COL4A2: variants seen among roughly 807,000 people sequenced by gnomAD.
The protein encoded by COL4A2 is collagen type IV alpha 2 chain, also known as collagen alpha-2(IV) chain.
A neutral mutation model predicts 200.2 loss-of-function variants in COL4A2; 99 were observed. The ratio of observed to expected loss-of-function variants is 0.49; its 90% CI spans 0.42 to 0.58. The LOEUF is 0.58. Ranked by LOEUF, COL4A2 falls within the 20% of genes least tolerant of loss-of-function variation. COL4A2 has a pLI of 0.00. For synonymous variants in COL4A2, 897 were observed against 900.6 expected (o/e 1.00, Z 0.07); for missense variants, 1,950 against 2,314.1 (o/e 0.84, Z 3.23).
chr13:110,307,789 A>T lies in COL4A2; in HGVS notation c.-44-71A>T. The T allele has an allele frequency of 7.2e-7, 1 of 1,389,404 alleles. No individual in the cohort carries two copies. Among genetic ancestry groups the T allele is most frequent in the Non-Finnish European group, 9.7e-7 (1 of 1,029,860 alleles). 86.1% of individuals were successfully genotyped at this position (1,389,404 alleles called of 1,614,324 possible). On this transcript the variant is annotated intron_variant, in intron 1 of 47. Coordinates refer to ENST00000360467, the MANE Select transcript of COL4A2 (RefSeq NM_001846.4). This position sits in a 1 kb window ranked among gnomAD's most constrained non-coding sequence, Gnocchi z 5.0. ...ACCGCGCTGTCCCCGCGTCTCGCGGACCGAGACCGGCGGTGAGGATGGGCT... is the reference window on the plus strand; with the variant it reads ...ACCGCGCTGTCCCCGCGTCTCGCGGTCCGAGACCGGCGGTGAGGATGGGCT...
chr13:110,437,126 T>A (rs1027281297), intron 13 of COL4A2, among the ~76,000 whole-genome samples: 2 of 152,214 alleles, frequency 1.3e-5, no homozygotes, highest in Non-Finnish European at 2.9e-5. Context: ...TTGAGCAGGG[T>A]GGGGCTTGGG....
rs1883221708 is a variant in COL4A2 at position 110,489,705 on chromosome 13, T to C, written c.3272-6T>C. On this transcript the variant is annotated splice_region_variant and splice_polypyrimidine_tract_variant and intron_variant, in intron 35 of 47. Coordinates refer to ENST00000360467, the MANE Select transcript of COL4A2 (RefSeq NM_001846.4). ...TGTTCTTAGCCGTCTTTTTTGCATG[T>C]AACAGGTGACATCGGGGACACTATA... 6.2e-7 allele frequency: 1 copy of C among 1,614,212 alleles called. No individual in the cohort carries two copies. The highest frequency in any genetic ancestry group is 8.5e-7 in the Non-Finnish European group (1 of 1,180,030).
chr13:110,461,683 A>T (rs1004332903), intron 22 of COL4A2, among the ~76,000 whole-genome samples: 2 of 151,916 alleles, frequency 1.3e-5, no homozygotes, highest in African/African-American at 4.8e-5. Context: ...ACCACACTCC[A>T]CTGCCACACT....
At chr13:110,426,363 A>G (rs1209374010) in intron 6 of COL4A2, among the ~76,000 whole-genome samples, 2 of 152,218 alleles carry the variant, frequency 1.3e-5, no homozygotes, top group African/African-American at 2.4e-5. Context: ...AGAAGTAATC[A>G]TAATTTGGAG....
At chr13:110,387,747 C>T (rs539924508) in intron 4 of COL4A2, among the ~76,000 whole-genome samples, 4 of 152,316 alleles carry the variant, frequency 2.6e-5, no homozygotes, top group East Asian at 1.9e-4. Context: ...AGTGACATCA[C>T]GGTTTCCTCT....
intron 4 of COL4A2, among the ~76,000 whole-genome samples, chr13:110,379,221 A>G (rs999369995): frequency 1.3e-5 from 2 of 152,328 alleles, no homozygotes; most frequent in African/African-American, 4.8e-5. Flanking sequence ...ACGCTGCTAC[A>G]CATCCTATAT....
chr13:110,330,301 G>C (rs893237973), intron 3 of COL4A2, among the ~76,000 whole-genome samples: 1 of 152,102 alleles, frequency 6.6e-6, no homozygotes, highest in Non-Finnish European at 1.5e-5. Flanking sequence ...GTAAGGTTTC[G>C]GGGCGAGTGT....
Position 110,454,494 on chromosome 13 carries a change from A to C in COL4A2, c.1340-2849A>C, listed in dbSNP as rs186389015. Among the ~76,000 whole-genome samples, 788 of 152,324 alleles carry C rather than the reference A, an allele frequency of 5.2e-3. 2 individuals carry two copies. The highest frequency in any genetic ancestry group is 0.02 in the South Asian group (97 of 4,828). On this transcript the variant is annotated intron_variant, in intron 20 of 47. Coordinates refer to ENST00000360467, the MANE Select transcript of COL4A2 (RefSeq NM_001846.4). ...CTCTACCTGCGACACTGCACGTCTC[A>C]TCACACAGAGGGAGAGCTTGGAGAC...
chr13:110,379,289 G>T (rs1878366603), intron 4 of COL4A2, among the ~76,000 whole-genome samples: 1 of 152,236 alleles, frequency 6.6e-6, no homozygotes, highest in Non-Finnish European at 1.5e-5. Context: ...AAGTGCTGAA[G>T]GTGGGAGACC....
intron 20 of COL4A2, among the ~76,000 whole-genome samples, chr13:110,454,382 A>G (rs1419620209): frequency 6.6e-6 from 1 of 152,164 alleles, no homozygotes; most frequent in Non-Finnish European, 1.5e-5. Flanking sequence ...CATTGTAAGG[A>G]GCGCCCACAA....
intron 4 of COL4A2, among the ~76,000 whole-genome samples, chr13:110,383,606 CTTTTTTTT>C (rs67906394): frequency 1.8e-3 from 118 of 65,350 alleles, no homozygotes; most frequent in African/African-American, 5.4e-3. Flanking sequence ...CAGCCCTTTT[CTTTTTTTT>C]TTTTTTTTTT....
chr13:110,385,696 T>C (rs375754119), intron 4 of COL4A2, among the ~76,000 whole-genome samples: 3 of 76,792 alleles, frequency 3.9e-5, no homozygotes, highest in Admixed American at 1.2e-4. Context: ...GTGGTTACAG[T>C]GTGTGGATAG....
rs201105747 is a variant in COL4A2 at position 110,512,120 on chromosome 13, G to T, written c.5068G>T (p.Ala1690Ser). Reference sequence around the variant, plus strand: ...GCAGAGCTTCCAGGGCTCGCCCTCCGCCGACACGCTCAAGGCCGGCCTCAT... The same window carrying T: ...GCAGAGCTTCCAGGGCTCGCCCTCCTCCGACACGCTCAAGGCCGGCCTCAT... Reference protein sequence around the residue: ...PEQSFQGSPSADTLKAGLIRT... With the variant: ...PEQSFQGSPSSDTLKAGLIRT... The change falls in exon 48 of 48, where the codon GCC becomes TCC. Residue 1690 changes from alanine (A) to serine (S), a missense_variant. By Grantham distance (99) the Ala-to-Ser change is moderately conservative. This residue lies in a region of COL4A2 where 1,385 missense variants were observed against 1,720.5 expected (regional missense o/e 0.80). Transcript: ENST00000360467. 10 of 1,613,472 alleles carry T rather than the reference G, an allele frequency of 6.2e-6. No homozygotes were observed. The highest frequency in any genetic ancestry group is 8.5e-6 in the Non-Finnish European group (10 of 1,180,040).
At position 110,450,384 on chromosome 13, in the gene COL4A2, C is replaced by G. The variant is rs1251036472; in HGVS notation, c.1269C>G (p.Gly423=). The G allele has an allele frequency of 5.6e-6, 9 of 1,613,614 alleles. No homozygotes were observed. The Admixed American group carries it at 1.3e-4, about 24-fold the overall frequency. The stretch of plus-strand genomic sequence containing the variant: ...CCGGCATCCCTGCGCTCTACGGGGG[C>G]CCACCTGGACCTGATGGAAAGCGAG... ...GDPGIPALYG[G]PPGPDGKRGP... Residue 423 remains glycine (G), a synonymous_variant, in exon 20 of 48, where the codon GGC becomes GGG. Transcript: ENST00000360467.
chr13:110,497,315 G>A (rs1566567935), intron 40 of COL4A2, among the ~76,000 whole-genome samples: 2 of 151,860 alleles, frequency 1.3e-5, no homozygotes. Context: ...CCTCACTCAG[G>A]GGTGAGGATC....
At position 110,423,694 on chromosome 13, in the gene COL4A2, G is replaced by GTCCCCATGAAAACACTGCC. The variant is rs535909044; in HGVS notation, c.181-1034_181-1016dup. 1.4e-4 allele frequency among the ~76,000 whole-genome samples: 21 copies of GTCCCCATGAAAACACTGCC among 152,198 alleles called. No individual in the cohort carries two copies. The South Asian group carries it at 4.1e-3, about 30-fold the overall frequency. Reference sequence around the variant, plus strand: ...TCTCATCTTCCCAAACCGAAGCTCTGTCCCCATGAAAACACTGCCTCCCCC... The same window carrying GTCCCCATGAAAACACTGCC: ...TCTCATCTTCCCAAACCGAAGCTCTGTCCCCATGAAAACACTGCCTCCCCATGAAAACACTGCCTCCCCC... On this transcript the variant is annotated intron_variant, in intron 4 of 47. Coordinates refer to ENST00000360467, the MANE Select transcript of COL4A2 (RefSeq NM_001846.4).
At chr13:110,482,493 C>A (rs772133256) in intron 31 of COL4A2, 23 bp from the exon 32 acceptor site, 3 of 1,610,958 alleles carry the variant, frequency 1.9e-6, no homozygotes, top group Non-Finnish European at 2.5e-6. Flanking sequence ...TCTAACCCAG[C>A]ACTTTTCTCT....
chr13:110,512,450 T>C lies in COL4A2; in HGVS notation c.*259T>C. On this transcript the variant is annotated 3_prime_UTR_variant, in exon 48 of 48. Coordinates refer to ENST00000360467, the MANE Select transcript of COL4A2 (RefSeq NM_001846.4). ...CATCAGCCCTGCTAGACGCACCGCCTGAAGGCACAGCTAACCACTTCGCAC... is the reference window on the plus strand; with the variant it reads ...CATCAGCCCTGCTAGACGCACCGCCCGAAGGCACAGCTAACCACTTCGCAC... 3 of 572,116 alleles carry C rather than the reference T, an allele frequency of 5.2e-6. No individual in the cohort carries two copies. The highest frequency in any genetic ancestry group is 9.1e-6 in the Non-Finnish European group (3 of 330,726). 35.4% of individuals were successfully genotyped at this position (572,116 alleles called of 1,614,324 possible).
In COL4A2 at chr13:110,480,254, A is replaced by C. The variant is rs1445099086; in HGVS notation, c.2622A>C (p.Thr874=). The change falls in exon 31 of 48, where the codon ACA becomes ACC. Residue 874 remains threonine, a synonymous_variant. Transcript: ENST00000360467. Reference sequence around the variant, plus strand: ...GTGATAGAGGGGACCCTGGGGACACAGGCGCTCCTGGCCCTGTGGGCATGA... The same window carrying C: ...GTGATAGAGGGGACCCTGGGGACACCGGCGCTCCTGGCCCTGTGGGCATGA... ...LPGDRGDPGD[T]GAPGPVGMKG... The C allele has an allele frequency of 1.9e-6, 3 of 1,612,088 alleles. No homozygotes were observed. In the African/African-American group the frequency reaches 4.0e-5, roughly 22 times the overall value.
Sources: allele counts gnomAD v4.1 joint callset (sites outside exome capture counted in the v4.1 genomes callset), GRCh38; gene constraint gnomAD v4.1.1; regional missense constraint gnomAD v4.1.1; non-coding constraint Gnocchi (gnomAD v3.1); transcripts MANE v1.5; gene names NCBI Gene and HGNC (gene_info 2026-07-23, HGNC 2026-07-21).